Variants in NBEAL2 observed in about 807,000 individuals in gnomAD.
NBEAL2 encodes the protein neurobeachin like 2, also known as neurobeachin-like protein 2.
Under a neutral mutation model 299.8 loss-of-function variants are expected in NBEAL2, and 160 were observed. The observed-to-expected ratio is 0.53, with a 90% CI of 0.47 to 0.61. The LOEUF (loss-of-function observed/expected upper bound fraction) is 0.61, where lower values mean the gene tolerates loss of function less well. Ranked by LOEUF, NBEAL2 falls within the 20% of genes least tolerant of loss-of-function variation. The pLI is 0.00. For missense variants in NBEAL2, 3,112 were observed against 3,649.0 expected (o/e 0.85, Z 3.79); for synonymous variants, 1,493 against 1,542.3 (o/e 0.97, Z 0.75).
intron 10 of NBEAL2, among the ~76,000 whole-genome samples, 187 bp downstream of exon 10, chr3:46,992,742 G>T (rs1254021700): frequency 6.6e-6 from 1 of 152,214 alleles, no homozygotes; most frequent in African/African-American, 2.4e-5. Flanking sequence ...ACAGAAGGTG[G>T]TCTATCCCCT....
intron 1 of NBEAL2, among the ~76,000 whole-genome samples, chr3:46,981,138 C>T (rs748838542): frequency 6.6e-6 from 1 of 152,192 alleles, no homozygotes; most frequent in Admixed American, 6.5e-5. Flanking sequence ...CCTCTGCTTC[C>T]TGCCTGTAAA....
Position 47,006,059 on chromosome 3 carries a change from T to C in NBEAL2, c.6915T>C (p.Tyr2305=). 1 of 1,613,524 alleles carries C rather than the reference T, an allele frequency of 6.2e-7. No individual in the cohort carries two copies. Among genetic ancestry groups the C allele is most frequent in the Non-Finnish European group, 8.5e-7 (1 of 1,179,702 alleles). ...TCAATGTCTTCTATTACTGCACCTA[T>C]GAGGGTGGGCAGTGCGCTGGACTCC... ...EALNVFYYCT[Y]EGAVDLDHVT... The change falls in exon 43 of 54, where the codon TAT becomes TAC. Residue 2305 remains tyrosine, a synonymous_variant. Transcript: ENST00000450053.
chr3:46,996,346 G>A lies in NBEAL2; in HGVS notation c.2227G>A (p.Val743Ile). The change falls in exon 16 of 54, where the codon GTC becomes ATC. Residue 743 changes from valine to isoleucine, a missense_variant. By Grantham distance (29) the Val-to-Ile change is conservative. This residue lies in a region of NBEAL2 where 2,243 missense variants were observed against 2,538.1 expected (regional missense o/e 0.88). Transcript: ENST00000450053. The part of the protein sequence containing the change: ...TTTTGLPTPP[V>I]PATLAYTHPA... ...CACCACAGGGCTGCCCACACCACCA[G>A]TCCCCGCCACCCTGGCCTACACTCA... The A allele has an allele frequency of 6.2e-7, 1 of 1,612,194 alleles. No homozygotes were observed. Among genetic ancestry groups the A allele is most frequent in the Non-Finnish European group, 8.5e-7 (1 of 1,179,828 alleles).
chr3:46,988,858 G>T lies in NBEAL2; in HGVS notation c.157G>T (p.Ala53Ser). ...TCCTTGCAGGCCAGAGGAGGCAGGTGCAGAGGTCCCGCTGCTACCACTGGA... is the reference window on the plus strand; with the variant it reads ...TCCTTGCAGGCCAGAGGAGGCAGGTTCAGAGGTCCCGCTGCTACCACTGGA... ...LEPRRPEEAGAEVPLLPLDEL... is the reference protein window; with the variant it reads ...LEPRRPEEAGSEVPLLPLDEL... The change falls in exon 3 of 54, where the codon GCA becomes TCA. Residue 53 changes from alanine (A) to serine (S), a missense_variant. Physicochemically the swap from Ala to Ser is moderately conservative, Grantham distance 99. Transcript: ENST00000450053. This position sits in a 1 kb window ranked among gnomAD's most constrained non-coding sequence, Gnocchi z 4.4. 6.2e-7 allele frequency: 1 copy of T among 1,609,144 alleles called. No homozygotes were observed. The highest frequency in any genetic ancestry group is 8.5e-7 in the Non-Finnish European group (1 of 1,176,598).
At position 47,008,852 on chromosome 3, in the gene NBEAL2, G is replaced by T. The variant is rs2037661376; in HGVS notation, c.8028-137G>T. Reference sequence around the variant, plus strand: ...CCTCCGCTTAGCCACAGTTGTGGGAGATTTCTTTGTGTATAAGAATTTCAA... The same window carrying T: ...CCTCCGCTTAGCCACAGTTGTGGGATATTTCTTTGTGTATAAGAATTTCAA... On this transcript the variant is annotated intron_variant, in intron 52 of 53. Coordinates refer to ENST00000450053, the MANE Select transcript of NBEAL2 (RefSeq NM_015175.3). 6 of 1,456,212 alleles carry T rather than the reference G, an allele frequency of 4.1e-6. No homozygotes were observed. The South Asian group carries it at 6.1e-5, about 15-fold the overall frequency. 90.2% of individuals were successfully genotyped at this position (1,456,212 alleles called of 1,614,324 possible).
Position 47,004,029 on chromosome 3 carries a change from G to A in NBEAL2, c.5882-48G>A. On this transcript the variant is annotated intron_variant, in intron 36 of 53. Transcript: ENST00000450053. This position sits in a 1 kb window ranked among gnomAD's most constrained non-coding sequence, Gnocchi z 5.0. ...GATGGCAGGGAATGGCTGAGCTCTGGGTGGGGCTGGGGTGAGTGACTCCCG... is the reference window on the plus strand; with the variant it reads ...GATGGCAGGGAATGGCTGAGCTCTGAGTGGGGCTGGGGTGAGTGACTCCCG... The A allele has an allele frequency of 6.2e-7, 1 of 1,606,480 alleles. No individual in the cohort carries two copies. Among genetic ancestry groups the A allele is most frequent in the Non-Finnish European group, 8.5e-7 (1 of 1,174,538 alleles).
rs1342714079 is a variant in NBEAL2, at chr3:47,003,653, C to T, written c.5721-163C>T. Among the ~76,000 whole-genome samples, 1 of 152,084 alleles carries T rather than the reference C, an allele frequency of 6.6e-6. No individual in the cohort carries two copies. The highest frequency in any genetic ancestry group is 1.5e-5 in the Non-Finnish European group (1 of 68,006). On this transcript the variant is annotated intron_variant, in intron 35 of 53. Transcript: ENST00000450053. This position sits in a 1 kb window ranked among gnomAD's most constrained non-coding sequence, Gnocchi z 7.0. The stretch of plus-strand genomic sequence containing the variant: ...AGCCCAGTGGGTGGCAGGTGGGGGA[C>T]AGGGGCTGGGACCAGTAGGTTCTGG...
At chr3:46,999,831 A>T in intron 26 of NBEAL2, 58 bp from the exon 27 acceptor site, 2 of 1,599,332 alleles carry the variant, frequency 1.3e-6, no homozygotes, top group Non-Finnish European at 1.7e-6. Context: ...AAGGCCCTGG[A>T]TGAGGGTCTG....
chr3:46,998,636 T>C, intron 22 of NBEAL2, 71 bp downstream of exon 22: 1 of 1,561,140 alleles, frequency 6.4e-7, no homozygotes, highest in Non-Finnish European at 8.7e-7. Context: ...GACTGGGCGG[T>C]GCGCTTCCCT....
At position 47,002,993 on chromosome 3, in the gene NBEAL2, C is replaced by T. The variant is rs371081095; in HGVS notation, c.5496C>T (p.Ala1832=). The part of the protein sequence containing the change: ...TPIPRWKLSS[A]ETYSRMRLKL... ...TCCCCCGCTGGAAACTGTCCAGCGC[C>T]GAGACATATTCACGCATGCGTCTGA... is the stretch of plus-strand genomic sequence containing the variant. Residue 1832 remains alanine (A), a synonymous_variant, in exon 34 of 54, where the codon GCC becomes GCT. Coordinates refer to ENST00000450053, the MANE Select transcript of NBEAL2 (RefSeq NM_015175.3). 99 of 1,613,438 alleles carry T rather than the reference C, an allele frequency of 6.1e-5. 1 individual carries two copies. The African/African-American group carries it at 9.9e-4, about 16-fold the overall frequency.
intron 1 of NBEAL2, among the ~76,000 whole-genome samples, chr3:46,984,132 C>G (rs1005341718): frequency 2.5e-5 from 1 of 39,914 alleles, no homozygotes; most frequent in Non-Finnish European, 6.0e-5. Flanking sequence ...AACCCCATCT[C>G]TACTAAAAAA....
chr3:46,988,000 T>C, intron 1 of NBEAL2: 2 of 1,277,232 alleles, frequency 1.6e-6, no homozygotes, highest in Non-Finnish European at 2.0e-6. Flanking sequence ...ACACCAAAGT[T>C]TTCCTGGCAG....
In NBEAL2 at chr3:47,004,252, A is replaced by T. The variant is rs777252571; in HGVS notation, c.6057A>T (p.Arg2019Ser). The T allele has an allele frequency of 6.2e-7, 1 of 1,613,354 alleles. No individual in the cohort carries two copies. Residue 2019 changes from arginine to serine, a missense_variant, in exon 37 of 54, where the codon AGA becomes AGT. Physicochemically the swap from Arg to Ser is moderately radical, Grantham distance 110 (BLOSUM62 -1). Transcript: ENST00000450053. This position sits in a 1 kb window ranked among gnomAD's most constrained non-coding sequence, Gnocchi z 5.0. ...TCTCATCTCCTAGCCAGACTCCCAG[A>T]CCCCAGCCTGGCCCCATCCCACCCC... is the stretch of plus-strand genomic sequence containing the variant. ...TPVSSPSQTP[R>S]PQPGPIPPHT... is the part of the protein sequence containing the mutation.
chr3:46,999,679 G>A lies in NBEAL2; in HGVS notation c.3753G>A (p.Gln1251=). The change falls in exon 26 of 54, where the codon CAG becomes CAA. Residue 1251 remains glutamine (Q), a synonymous_variant. Coordinates refer to ENST00000450053, the MANE Select transcript of NBEAL2 (RefSeq NM_015175.3). ...DLLAVVQLSL[Q]ADLSVRLDIC... is the part of the protein sequence containing the mutation. ...TGGCTGTGGTACAGCTGTCCCTCCAGGCTGACCTCAGCGTTCGCCTAGACA... is the reference window on the plus strand; with the variant it reads ...TGGCTGTGGTACAGCTGTCCCTCCAAGCTGACCTCAGCGTTCGCCTAGACA... The A allele has an allele frequency of 6.2e-7, 1 of 1,613,658 alleles. No individual in the cohort carries two copies. The highest frequency in any genetic ancestry group is 8.5e-7 in the Non-Finnish European group (1 of 1,179,804).
Position 46,998,221 on chromosome 3 carries a change from G to A in NBEAL2, c.3113G>A (p.Arg1038His), listed in dbSNP as rs769633281. ...TGGACCCTCAGTGACTTCGCCGTGC[G>A]CCTCGGTAGGTGTGAGGACCTGAGC... Reference protein sequence around the residue: ...HLWTLSDFAVRLGHIQYMSSI... With the variant: ...HLWTLSDFAVHLGHIQYMSSI... Residue 1038 changes from arginine to histidine, a missense_variant, in exon 21 of 54, where the codon CGC becomes CAC. By Grantham distance (29) the Arg-to-His change is conservative. Transcript: ENST00000450053. 16 of 1,608,854 alleles carry A rather than the reference G, an allele frequency of 9.9e-6. No individual in the cohort carries two copies. Among genetic ancestry groups the A allele is most frequent in the East Asian group, 4.5e-5 (2 of 44,752 alleles).
In NBEAL2 at chr3:47,007,701, T is replaced by C. The variant is rs765161080; in HGVS notation, c.7507+4T>C. 6.2e-7 allele frequency: 1 copy of C among 1,609,260 alleles called. No homozygotes were observed. The highest frequency in any genetic ancestry group is 8.5e-7 in the Non-Finnish European group (1 of 1,177,098). On this transcript the variant is annotated splice_donor_region_variant and intron_variant, in intron 48 of 53. Coordinates refer to ENST00000450053, the MANE Select transcript of NBEAL2 (RefSeq NM_015175.3). Reference sequence around the variant, plus strand: ...AGCCAGCTCAGCTGCCACCTTGGTATGAACAGCCTTGGAGCTGGGGAGAAT... The same window carrying C: ...AGCCAGCTCAGCTGCCACCTTGGTACGAACAGCCTTGGAGCTGGGGAGAAT...
rs991490748 is a variant in NBEAL2, at chr3:46,982,378, G to A, written c.51+2466G>A. On this transcript the variant is annotated intron_variant, in intron 1 of 53. Transcript: ENST00000450053. The surrounding 1 kb of genome is among the most constrained non-coding windows in gnomAD (Gnocchi z 4.2). ...TGTGGGTCTGGGTGGGGATGGAGAG[G>A]GGGGAGTAACTCCTTCCTGCCCTTC... 6.6e-6 allele frequency among the ~76,000 whole-genome samples: 1 copy of A among 152,070 alleles called. No homozygotes were observed. Among genetic ancestry groups the A allele is most frequent in the Admixed American group, 6.5e-5 (1 of 15,268 alleles).
At chr3:46,993,260 T>G (rs915212477) in intron 10 of NBEAL2, among the ~76,000 whole-genome samples, 1 of 152,184 alleles carries the variant, frequency 6.6e-6, no homozygotes, top group Non-Finnish European at 1.5e-5. Context: ...GACTGATGCC[T>G]TAGGTCACTT....
At position 47,004,904 on chromosome 3, in the gene NBEAL2, G is replaced by T. The variant is rs1559617479; in HGVS notation, c.6295-68G>T. ...TCTGTGCCCGCCTTCTTGAGGGTGT[G>T]GGCAGGGCAGGGTGGGCTGGTAGGC... is the stretch of plus-strand genomic sequence containing the variant. On this transcript the variant is annotated intron_variant, in intron 38 of 53. Transcript: ENST00000450053. This position sits in a 1 kb window ranked among gnomAD's most constrained non-coding sequence, Gnocchi z 5.0. 6.4e-7 allele frequency: 1 copy of T among 1,554,920 alleles called. No individual in the cohort carries two copies. Among genetic ancestry groups the T allele is most frequent in the Non-Finnish European group, 8.7e-7 (1 of 1,149,610 alleles).
Sources: allele counts gnomAD v4.1 joint callset (sites outside exome capture counted in the v4.1 genomes callset), GRCh38; gene constraint gnomAD v4.1.1; regional missense constraint gnomAD v4.1.1; non-coding constraint Gnocchi (gnomAD v3.1); transcripts MANE v1.5; gene names NCBI Gene and HGNC (gene_info 2026-07-23, HGNC 2026-07-21).